MND1: variants seen among roughly 807,000 people sequenced by gnomAD.
MND1 encodes meiotic nuclear divisions 1.
Under a neutral mutation model 35.1 loss-of-function variants are expected in MND1, and 28 were observed. That is an observed-to-expected ratio of 0.80 (90% CI 0.59 to 1.09). The LOEUF (loss-of-function observed/expected upper bound fraction) is 1.09. MND1 is among the 50% of genes least tolerant of loss of function. The probability of loss-of-function intolerance (pLI) is 0.00; values close to 1 mark genes in which losing one functional copy is unlikely to be tolerated. For synonymous variants in MND1, 69 were observed against 70.5 expected (o/e 0.98, Z 0.11); for missense variants, 213 against 239.6 (o/e 0.89, Z 0.73).
At position 153,373,536 on chromosome 4, in the gene MND1, T is replaced by A. The variant is rs529163624; in HGVS notation, c.276+14914T>A. ...TTCTTGTTAGTACAGTGAATCTAGCTTTTAAAAAATTGAGCTTAATGTCAG... is the reference window on the plus strand; with the variant it reads ...TTCTTGTTAGTACAGTGAATCTAGCATTTAAAAAATTGAGCTTAATGTCAG... On this transcript the variant is annotated intron_variant, in intron 4 of 7. Coordinates refer to ENST00000240488, the MANE Select transcript of MND1 (RefSeq NM_032117.4). Among the ~76,000 whole-genome samples the A allele has an allele frequency of 8.5e-5, 13 of 152,300 alleles. No homozygotes were observed. In the South Asian group the frequency reaches 2.7e-3, roughly 32 times the overall value.
At chr4:153,349,595 C>G (rs1482307456) in intron 1 of MND1, among the ~76,000 whole-genome samples, 1 of 152,160 alleles carries the variant, frequency 6.6e-6, no homozygotes, top group Admixed American at 6.5e-5. Context: ...TGTGTGGTCT[C>G]CCCAAGATGT....
intron 4 of MND1, among the ~76,000 whole-genome samples, chr4:153,367,216 G>T (rs977095021): frequency 1.3e-5 from 2 of 151,982 alleles, no homozygotes; most frequent in Non-Finnish European, 2.9e-5. Context: ...TTCATTGATA[G>T]ATGTACAGTC....
intron 4 of MND1, among the ~76,000 whole-genome samples, chr4:153,368,193 C>G (rs2149638953): frequency 6.6e-6 from 1 of 152,230 alleles, no homozygotes; most frequent in African/African-American, 2.4e-5. Context: ...TTGCTTTTAT[C>G]CTTTTTGAGA....
Position 153,394,347 on chromosome 4 carries a change from G to A in MND1, c.351+11G>A. The A allele has an allele frequency of 6.9e-6, 11 of 1,604,124 alleles. No individual in the cohort carries two copies. Among genetic ancestry groups the A allele is most frequent in the Non-Finnish European group, 9.4e-6 (11 of 1,173,150 alleles). On this transcript the variant is annotated intron_variant, in intron 5 of 7. Coordinates refer to ENST00000240488, the MANE Select transcript of MND1 (RefSeq NM_032117.4). ...GGCCGATGTGAAACGGTAAGTTTGT[G>A]TCTATAGATTATTTTAATAATGGCA...
chr4:153,347,938 A>G (rs1773113231), intron 1 of MND1, among the ~76,000 whole-genome samples: 1 of 152,140 alleles, frequency 6.6e-6, no homozygotes, highest in African/African-American at 2.4e-5. Context: ...AGGGCCTTGT[A>G]TATCATACTG....
chr4:153,409,033 G>C lies in MND1; in HGVS notation c.511+18G>C. The C allele has an allele frequency of 7.5e-7, 1 of 1,336,798 alleles. No homozygotes were observed. The highest frequency in any genetic ancestry group is 2.2e-5 in the South Asian group (1 of 45,476). The allele number at this position is 1,336,798 out of a possible 1,614,324, so 82.8% of individuals were successfully genotyped here. ...ATGGACTGGTATGTACTATAATAAT[G>C]CTGATAAACTATAGCTAAATTCCCT... On this transcript the variant is annotated intron_variant, in intron 7 of 7. Coordinates refer to ENST00000240488, the MANE Select transcript of MND1 (RefSeq NM_032117.4).
chr4:153,397,111 A>G (rs1729216654), intron 5 of MND1, 108 bp from the exon 6 acceptor site: 8 of 682,766 alleles, frequency 1.2e-5, no homozygotes, highest in African/African-American at 9.1e-5. Context: ...CAAAAGTCTA[A>G]TGCACATCAT....
chr4:153,390,282 C>T (rs2149650669), intron 4 of MND1, among the ~76,000 whole-genome samples: 1 of 152,196 alleles, frequency 6.6e-6, no homozygotes, highest in South Asian at 2.1e-4. Flanking sequence ...AGCCAAGAAT[C>T]CTTCACTATT....
chr4:153,376,301 GCA>G (rs1044613159), intron 4 of MND1, among the ~76,000 whole-genome samples: 4 of 152,090 alleles, frequency 2.6e-5, no homozygotes, highest in South Asian at 4.1e-4. Context: ...GTGGGTGTGT[GCA>G]CACACACACT....
chr4:153,388,658 C>T (rs1049906996), intron 4 of MND1, among the ~76,000 whole-genome samples: 1 of 152,104 alleles, frequency 6.6e-6, no homozygotes, highest in Admixed American at 6.6e-5. Flanking sequence ...TTTTTCCCAG[C>T]CACTTTGCCA....
chr4:153,345,606 A>G, intron 1 of MND1: 4 of 876,556 alleles, frequency 4.6e-6, no homozygotes, highest in Non-Finnish European at 5.5e-6. Flanking sequence ...GTTGGCGAAG[A>G]ATCAACATCT....
At chr4:153,408,199 G>C (rs1304212590) in intron 6 of MND1, among the ~76,000 whole-genome samples, 1 of 152,218 alleles carries the variant, frequency 6.6e-6, no homozygotes, top group African/African-American at 2.4e-5. Context: ...AAGCCCGCCA[G>C]TTTGAGGCTG....
intron 5 of MND1, among the ~76,000 whole-genome samples, chr4:153,395,880 T>C (rs1256814044): frequency 6.6e-6 from 1 of 152,100 alleles, no homozygotes; most frequent in Non-Finnish European, 1.5e-5. Flanking sequence ...CTCCTCTTGA[T>C]TTTGTTTTGT....
Position 153,358,556 on chromosome 4 carries a change from T to C in MND1, c.210T>C (p.Tyr70=), listed in dbSNP as rs1773402243. 2 of 1,613,596 alleles carry C rather than the reference T, an allele frequency of 1.2e-6. No individual in the cohort carries two copies. The highest frequency in any genetic ancestry group is 2.7e-5 in the African/African-American group (2 of 74,918). Residue 70 remains tyrosine (Y), a synonymous_variant, in exon 4 of 8, where the codon TAT becomes TAC. Transcript: ENST00000240488. ...GTGAGAGGATCGGAACTTCTAATTA[T>C]TATTGGGCTTTTCCAAGTAAAGCTC... ...VDCERIGTSN[Y]YWAFPSKALH...
chr4:153,411,940 G>C (rs571875699), intron 7 of MND1, among the ~76,000 whole-genome samples: 93 of 152,242 alleles, frequency 6.1e-4, no homozygotes, highest in Middle Eastern at 3.4e-3. Context: ...CCTGATACTT[G>C]TCTTATGTAG....
chr4:153,378,835 A>G (rs1214986217), intron 4 of MND1, among the ~76,000 whole-genome samples: 2 of 152,162 alleles, frequency 1.3e-5, no homozygotes, highest in Non-Finnish European at 2.9e-5. Context: ...CACATTCCTT[A>G]TCCTTAACAA....
chr4:153,374,527 C>A (rs571906889), intron 4 of MND1, among the ~76,000 whole-genome samples: 37 of 152,206 alleles, frequency 2.4e-4, no homozygotes, highest in African/African-American at 8.4e-4. Flanking sequence ...AGGTTCCAAA[C>A]TTAAGGTTAT....
chr4:153,361,664 C>T, intron 4 of MND1: 1 of 398,300 alleles, frequency 2.5e-6, no homozygotes, highest in Non-Finnish European at 4.9e-6. Context: ...ACGGTGAAAC[C>T]CTGTCCACTA....
intron 4 of MND1, among the ~76,000 whole-genome samples, chr4:153,379,134 A>G (rs150208341): frequency 5.4e-4 from 82 of 151,576 alleles, no homozygotes; most frequent in Admixed American, 2.3e-3. Context: ...TAAAAGTACC[A>G]AAAAAATTAG....
Sources: allele counts gnomAD v4.1 joint callset (sites outside exome capture counted in the v4.1 genomes callset), GRCh38; gene constraint gnomAD v4.1.1; transcripts MANE v1.5; gene names NCBI Gene and HGNC (gene_info 2026-07-23, HGNC 2026-07-21).